The following CSMD1 variants were observed in gnomAD, a reference collection of about 807,000 sequenced individuals.
CSMD1 encodes the protein CUB and sushi domain-containing protein 1.
In CSMD1, 213 loss-of-function variants were observed where a neutral mutation model predicts 417.5. That is an observed-to-expected ratio of 0.51 (90% CI 0.46 to 0.57). The LOEUF (loss-of-function observed/expected upper bound fraction) is 0.57, where lower values mean the gene tolerates loss of function less well. CSMD1 is among the 20% of genes least tolerant of loss of function. The pLI, the probability that CSMD1 is intolerant of heterozygous loss-of-function variation, is 0.00. For synonymous variants in CSMD1, 2,862 were observed against 1,736.8 expected (o/e 1.65, Z -16.11); for missense variants, 6,923 against 4,529.7 (o/e 1.53, Z -15.17).
chr8:4,437,669 A>T (rs1353694771), intron 2 of CSMD1, among the ~76,000 whole-genome samples: 3 of 152,174 alleles, frequency 2.0e-5, no homozygotes, highest in African/African-American at 7.2e-5. Flanking sequence ...GTAGAGTTTA[A>T]CCTAATATTT....
At chr8:3,836,236 T>C (rs926365584) in intron 5 of CSMD1, among the ~76,000 whole-genome samples, 1 of 152,184 alleles carries the variant, frequency 6.6e-6, no homozygotes, top group African/African-American at 2.4e-5. Context: ...ATATCTTTAA[T>C]ATTTGGTTAT....
intron 1 of CSMD1, among the ~76,000 whole-genome samples, chr8:4,673,108 G>GGC (rs1805433545): frequency 1.3e-5 from 2 of 152,060 alleles, no homozygotes; most frequent in Non-Finnish European, 1.5e-5. Flanking sequence ...ATGGTGACAT[G>GGC]GCACACACAC....
intron 7 of CSMD1, among the ~76,000 whole-genome samples, chr8:3,631,270 C>T (rs1391644791): frequency 1.3e-5 from 2 of 152,204 alleles, no homozygotes; most frequent in African/African-American, 4.8e-5. Flanking sequence ...CAGCACCCTT[C>T]CAACTATCAT....
intron 8 of CSMD1, among the ~76,000 whole-genome samples, chr8:3,600,033 C>G (rs1801286822): frequency 1.3e-5 from 2 of 152,168 alleles, no homozygotes; most frequent in Non-Finnish European, 1.5e-5. Context: ...GAGGCACCTC[C>G]TCAGCTCATC....
At chr8:4,572,251 G>C (rs1798927264) in intron 2 of CSMD1, among the ~76,000 whole-genome samples, 1 of 152,158 alleles carries the variant, frequency 6.6e-6, no homozygotes, top group African/African-American at 2.4e-5. Flanking sequence ...GCAGTGGCTG[G>C]TACCAGTTTT....
At chr8:3,231,791 C>A (rs1449953372) in intron 26 of CSMD1, among the ~76,000 whole-genome samples, 2 of 152,162 alleles carry the variant, frequency 1.3e-5, no homozygotes, top group African/African-American at 4.8e-5. Flanking sequence ...TTAATTAGTA[C>A]CTAATTAGTA....
chr8:3,741,213 TAAAAAA>T (rs58662516), intron 6 of CSMD1, among the ~76,000 whole-genome samples: 21,319 of 68,598 alleles, frequency 0.31, 2,088 homozygotes, highest in Middle Eastern at 0.46. Flanking sequence ...GACTCCGTCT[TAAAAAA>T]AAAAAAAAAA....
intron 30 of CSMD1, among the ~76,000 whole-genome samples, chr8:3,205,983 TAAG>T (rs1306259778): frequency 2.0e-5 from 3 of 152,202 alleles, no homozygotes; most frequent in Non-Finnish European, 4.4e-5. Flanking sequence ...CATATTAACT[TAAG>T]AGATACAAAG....
chr8:3,437,626 T>A (rs181201361), intron 12 of CSMD1, among the ~76,000 whole-genome samples: 1 of 152,228 alleles, frequency 6.6e-6, no homozygotes, highest in South Asian at 2.1e-4. Flanking sequence ...CTTCTTTACA[T>A]AGAAGATGGT....
rs181039635 is a variant in CSMD1 at position 4,347,749 on chromosome 8, T to C, written c.415+72204A>G. Among the ~76,000 whole-genome samples, 316 of 152,274 alleles carry C rather than the reference T, an allele frequency of 2.1e-3. 3 individuals are homozygous for C. The highest frequency in any genetic ancestry group is 7.3e-3 in the African/African-American group (303 of 41,562). On this transcript the variant is annotated intron_variant, in intron 3 of 69. Coordinates refer to ENST00000635120, the MANE Select transcript of CSMD1 (RefSeq NM_033225.6). ...CTCAATTCTGAGTGCCTAGCAAGCA[T>C]GTATTGCCAAGTTGTATTGGATAAA...
At chr8:4,622,849 C>T (rs886652098) in intron 2 of CSMD1, among the ~76,000 whole-genome samples, 4 of 152,020 alleles carry the variant, frequency 2.6e-5, no homozygotes, top group Non-Finnish European at 5.9e-5. Flanking sequence ...GACATGGTTG[C>T]CTCCATAAAA....
intron 5 of CSMD1, among the ~76,000 whole-genome samples, chr8:3,944,850 G>A (rs1207069806): frequency 6.6e-6 from 1 of 152,112 alleles, no homozygotes; most frequent in Non-Finnish European, 1.5e-5. Flanking sequence ...TCTATGAGTT[G>A]GCCACAGCTC....
chr8:3,048,386 C>T (rs913798067), intron 50 of CSMD1, among the ~76,000 whole-genome samples: 2 of 152,078 alleles, frequency 1.3e-5, no homozygotes, highest in Non-Finnish European at 1.5e-5. Flanking sequence ...AAAAAGTAGA[C>T]AAATGTGTCA....
chr8:3,691,256 T>C (rs1800224749), intron 7 of CSMD1, among the ~76,000 whole-genome samples: 1 of 151,898 alleles, frequency 6.6e-6, no homozygotes, highest in Non-Finnish European at 1.5e-5. Context: ...TAATCCCAGC[T>C]ACTCAGGAGG....
In CSMD1 at chr8:3,006,833, T is replaced by C. The variant is rs879520057; in HGVS notation, c.8030-6702A>G. On this transcript the variant is annotated intron_variant, in intron 52 of 69. Coordinates refer to ENST00000635120, the MANE Select transcript of CSMD1 (RefSeq NM_033225.6). ...ACCATAAAAACCCTAGAAGAAAACC[T>C]AGGCATTACCATTCAGGACATAGGC... Among the ~76,000 whole-genome samples, 147 of 148,018 alleles carry C rather than the reference T, an allele frequency of 9.9e-4. 2 individuals are homozygous for C. The highest frequency in any genetic ancestry group is 1.8e-3 in the Non-Finnish European group (122 of 67,772).
At chr8:4,806,108 G>A (rs959207486) in intron 1 of CSMD1, among the ~76,000 whole-genome samples, 1 of 152,208 alleles carries the variant, frequency 6.6e-6, no homozygotes, top group Admixed American at 6.5e-5. Flanking sequence ...AATGAACCCA[G>A]CAAAAACGTT....
chr8:4,274,572 T>C (rs1346672862), intron 3 of CSMD1, among the ~76,000 whole-genome samples: 1 of 152,186 alleles, frequency 6.6e-6, no homozygotes, highest in African/African-American at 2.4e-5. Flanking sequence ...CCTTCTGTTC[T>C]TTAAATTATA....
At chr8:4,971,448 T>C (rs1189824600) in intron 1 of CSMD1, among the ~76,000 whole-genome samples, 7 of 152,026 alleles carry the variant, frequency 4.6e-5, no homozygotes, top group Non-Finnish European at 1.0e-4. Context: ...ATTCTAACCT[T>C]CTGAAAGGAA....
At chr8:3,875,541 G>C (rs796438103) in intron 5 of CSMD1, among the ~76,000 whole-genome samples, 31 of 152,254 alleles carry the variant, frequency 2.0e-4, no homozygotes, top group Admixed American at 8.5e-4. Flanking sequence ...ATGGAAGAAG[G>C]AAAGCAGGAG....
Sources: gnomAD v4.1 joint callset for allele counts (sites outside exome capture counted in the v4.1 genomes callset) on GRCh38, gnomAD v4.1.1 for gene constraint, MANE v1.5 for transcripts, NCBI Gene and HGNC (gene_info 2026-07-23, HGNC 2026-07-21) for gene names.